The following CHM variants were observed in gnomAD, a reference collection of about 807,000 sequenced individuals.
The protein encoded by CHM is rab proteins geranylgeranyltransferase component A 1.
In CHM, 10 loss-of-function variants were observed where a neutral mutation model predicts 49.0. That is an observed-to-expected ratio of 0.20 (90% CI 0.13 to 0.35). The LOEUF (loss-of-function observed/expected upper bound fraction) is 0.35, where lower values mean the gene tolerates loss of function less well. CHM is among the 10% of genes least tolerant of loss of function. The pLI is 1.00. For synonymous variants in CHM, 184 were observed against 167.5 expected (o/e 1.10, Z -0.76); for missense variants, 455 against 478.4 (o/e 0.95, Z 0.46).
At chrX:85,959,213 A>T (rs756158992) in intron 5 of CHM, among the ~76,000 whole-genome samples, 7 of 111,722 alleles carry the variant, frequency 6.3e-5, no homozygotes, top group Non-Finnish European at 1.1e-4. Context: ...GCAAAACCTG[A>T]TCCATACTGA....
intron 1 of CHM, among the ~76,000 whole-genome samples, chrX:86,046,786 G>A (rs776871226): frequency 2.7e-5 from 3 of 111,848 alleles, no homozygotes; most frequent in Non-Finnish European, 5.6e-5. Context: ...GGGAAAACAA[G>A]AGTTAGATAA....
intron 8 of CHM, among the ~76,000 whole-genome samples, chrX:85,954,576 T>G (rs1385248146): frequency 9.0e-6 from 1 of 111,344 alleles, no homozygotes; most frequent in Non-Finnish European, 1.9e-5. Flanking sequence ...AGTTACACCT[T>G]GGAGTAATAC....
chrX:86,035,528 A>G lies in CHM; in HGVS notation c.50-7971T>C, dbSNP rs993537498. ...TTCAGATAAGAAAACTAAACTAGGA[A>G]GAGCACAAGACCAAAGAAACAAAAT... On this transcript the variant is annotated intron_variant, in intron 1 of 14. Transcript: ENST00000357749. 6.3e-5 allele frequency among the ~76,000 whole-genome samples: 7 copies of G among 111,606 alleles called. No homozygotes were observed. The Admixed American group carries it at 6.7e-4, about 11-fold the overall frequency.
intron 8 of CHM, among the ~76,000 whole-genome samples, chrX:85,940,626 C>CAA (rs67187945): frequency 5.0e-5 from 5 of 99,547 alleles, no homozygotes; most frequent in Non-Finnish European, 1.0e-4. Context: ...ATTATCCTGG[C>CAA]AAAAAAAAAA....
Position 85,933,984 on chromosome X carries a change from T to C in CHM, c.1166+22169A>G, listed in dbSNP as rs778344032. Among the ~76,000 whole-genome samples, 22 of 110,804 alleles carry C rather than the reference T, an allele frequency of 2.0e-4. No homozygotes were observed. In the East Asian group the frequency reaches 5.7e-3, roughly 28 times the overall value. The stretch of plus-strand genomic sequence containing the variant: ...TACAAAATGGTTGAAATTAGCTTTT[T>C]TTTTTTTTTTCTTTGAGACGGAGTC... On this transcript the variant is annotated intron_variant, in intron 8 of 14. Coordinates refer to ENST00000357749, the MANE Select transcript of CHM (RefSeq NM_000390.4).
chrX:85,936,946 G>T (rs747475679), intron 8 of CHM, among the ~76,000 whole-genome samples: 2 of 111,654 alleles, frequency 1.8e-5, no homozygotes, highest in East Asian at 5.6e-4. Context: ...GATGGGTCAA[G>T]AATTATCTTG....
intron 1 of CHM, 178 bp downstream of exon 1, chrX:86,047,306 C>G (rs1364055710): frequency 3.0e-5 from 15 of 502,850 alleles, no homozygotes; most frequent in Non-Finnish European, 5.4e-5. Flanking sequence ...CACTGCGGGT[C>G]CCAGCCCCTC....
At chrX:86,033,572 A>G (rs1447550857) in intron 1 of CHM, among the ~76,000 whole-genome samples, 1 of 112,327 alleles carries the variant, frequency 8.9e-6, no homozygotes, top group African/African-American at 3.2e-5. Flanking sequence ...GTGAAACTAC[A>G]TACTTAATTC....
intron 12 of CHM, among the ~76,000 whole-genome samples, chrX:85,881,592 A>G (rs892199939): frequency 4.5e-5 from 5 of 111,881 alleles, no homozygotes; most frequent in African/African-American, 3.2e-5. Context: ...TGAAGCCCAT[A>G]TGGCCTGCCT....
At chrX:85,942,159 C>T (rs927984996) in intron 8 of CHM, among the ~76,000 whole-genome samples, 1 of 110,013 alleles carries the variant, frequency 9.1e-6, no homozygotes, top group Non-Finnish European at 1.9e-5. Context: ...TATTTCTGTC[C>T]CATATGACTA....
At chrX:86,009,983 T>C (rs1056739372) in intron 2 of CHM, among the ~76,000 whole-genome samples, 4 of 109,790 alleles carry the variant, frequency 3.6e-5, no homozygotes, top group Non-Finnish European at 7.6e-5. Flanking sequence ...GTGGCACATA[T>C]ACAACATGGA....
chrX:85,992,740 G>GTA (rs1932262429), intron 2 of CHM, among the ~76,000 whole-genome samples: 1 of 112,036 alleles, frequency 8.9e-6, no homozygotes, highest in African/African-American at 3.2e-5. Flanking sequence ...AGCAAAAAGT[G>GTA]TATATATATT....
At chrX:85,954,022 G>A (rs1490995773) in intron 8 of CHM, among the ~76,000 whole-genome samples, 4 of 111,373 alleles carry the variant, frequency 3.6e-5, no homozygotes, top group African/African-American at 9.8e-5. Context: ...CAAACTACCC[G>A]TCTAACAAGG....
chrX:85,887,526 G>A (rs895292643), intron 12 of CHM, among the ~76,000 whole-genome samples: 16 of 111,689 alleles, frequency 1.4e-4, no homozygotes, highest in Middle Eastern at 9.2e-3. Flanking sequence ...GGTACCATTA[G>A]AGTGGGGCGC....
intron 9 of CHM, 57 bp downstream of exon 9, chrX:85,911,204 T>TATATATATATGA (rs1926983589): frequency 5.7e-5 from 3 of 52,882 alleles, no homozygotes; most frequent in East Asian, 1.0e-3. Flanking sequence ...TATATATGAA[T>TATATATATATGA]ATATATATAT....
rs751328263 is a variant in CHM at position 86,007,634 on chromosome X, C to T, written c.116+19857G>A. ...CACTTCTCAAAAGAAGACATCTATGCAGCCAATAAATACATGAAAAAATGC... is the reference window on the plus strand; with the variant it reads ...CACTTCTCAAAAGAAGACATCTATGTAGCCAATAAATACATGAAAAAATGC... On this transcript the variant is annotated intron_variant, in intron 2 of 14. Transcript: ENST00000357749. 4.1e-4 allele frequency among the ~76,000 whole-genome samples: 46 copies of T among 112,375 alleles called. 1 individual carries two copies. The highest frequency in any genetic ancestry group is 1.4e-3 in the African/African-American group (42 of 30,898).
chrX:85,875,739 C>G (rs1569394738), intron 13 of CHM, among the ~76,000 whole-genome samples: 2 of 111,268 alleles, frequency 1.8e-5, no homozygotes, highest in Non-Finnish European at 3.8e-5. Flanking sequence ...TTTTTTTAGG[C>G]AGTGCTGCTC....
intron 2 of CHM, among the ~76,000 whole-genome samples, chrX:86,009,778 C>G (rs1932980748): frequency 9.0e-6 from 1 of 110,990 alleles, no homozygotes; most frequent in African/African-American, 3.3e-5. Context: ...GTGGTTGATT[C>G]TATAGCAAGA....
rs3078128 is a variant in CHM, at chrX:86,021,126, GTATATATATATA to G, written c.116+6353_116+6364del. ...TATACGTATATATATGTGTATATAC[GTATATATATATA>G]TATATATATATATATATATACACGT... On this transcript the variant is annotated intron_variant, in intron 2 of 14. Transcript: ENST00000357749. 2.6e-3 allele frequency among the ~76,000 whole-genome samples: 147 copies of G among 55,910 alleles called. 1 individual carries two copies. The highest frequency in any genetic ancestry group is 0.015 in the Middle Eastern group (1 of 67). 48.6% of individuals were successfully genotyped at this position (55,910 alleles called of 115,157 possible).
Sources: gnomAD v4.1 joint callset for allele counts (sites outside exome capture counted in the v4.1 genomes callset) on GRCh38, gnomAD v4.1.1 for gene constraint, MANE v1.5 for transcripts, NCBI Gene and HGNC (gene_info 2026-07-23, HGNC 2026-07-21) for gene names.